UGT1A5: variants seen among roughly 807,000 people sequenced by gnomAD.
UGT1A5 encodes UDP glucuronosyltransferase family 1 member A5, also known as UDP-glucuronosyltransferase 1A5.
Under a neutral mutation model 40.3 loss-of-function variants are expected in UGT1A5, and 29 were observed. That is an observed-to-expected ratio of 0.72 (90% CI 0.54 to 0.98). The LOEUF (loss-of-function observed/expected upper bound fraction) is 0.98, where lower values mean the gene tolerates loss of function less well. Ranked by LOEUF, UGT1A5 falls within the 50% of genes least tolerant of loss-of-function variation. The pLI is 0.00. For missense variants in UGT1A5, 678 were observed against 677.9 expected, an observed-to-expected ratio of 1.00 and a Z score of 0.00; for synonymous variants, 257 against 262.5, an observed-to-expected ratio of 0.98 and a Z score of 0.20.
At chr2:233,716,619 T>C (rs1353920289) in intron 1 of UGT1A5, among the ~76,000 whole-genome samples, 1 of 152,234 alleles carries the variant, frequency 6.6e-6, no homozygotes, top group Non-Finnish European at 1.5e-5. Context: ...AGGTTTATTC[T>C]AGTGAAGTTT....
rs1005644336 is a variant in UGT1A5 at position 233,772,950 on chromosome 2, A to G, written c.*391A>G. On this transcript the variant is annotated 3_prime_UTR_variant, in exon 5 of 5. Coordinates refer to ENST00000373414, the MANE Select transcript of UGT1A5 (RefSeq NM_019078.2). Reference sequence around the variant, plus strand: ...TAATCTTATCTTTTGGCTTCTGCAGATGGTTGCAATTGATCCTTAACCAAT... The same window carrying G: ...TAATCTTATCTTTTGGCTTCTGCAGGTGGTTGCAATTGATCCTTAACCAAT... The G allele has an allele frequency of 1.5e-5, 5 of 323,142 alleles. No individual in the cohort carries two copies. Among genetic ancestry groups the G allele is most frequent in the Non-Finnish European group, 2.9e-5 (5 of 171,790 alleles). 20.0% of individuals were successfully genotyped at this position (323,142 alleles called of 1,614,324 possible). A position where few individuals can be genotyped will look rare whatever the true frequency, so the allele number is the denominator to read the frequency against.
chr2:233,748,218 T>C (rs1484955806), intron 1 of UGT1A5: 56 of 1,469,990 alleles, frequency 3.8e-5, no homozygotes, highest in Admixed American at 8.3e-5. Context: ...TTCAGTGAGA[T>C]AAACTGTTAA....
chr2:233,772,929 C>T lies in UGT1A5; in HGVS notation c.*370C>T, dbSNP rs1186146273. On this transcript the variant is annotated 3_prime_UTR_variant, in exon 5 of 5. Transcript: ENST00000373414. ...CCCTACTGCAAATGGCAGTTTTAAT[C>T]TTATCTTTTGGCTTCTGCAGATGGT... The T allele has an allele frequency of 5.6e-6, 2 of 355,154 alleles. No individual in the cohort carries two copies. Among genetic ancestry groups the T allele is most frequent in the Non-Finnish European group, 1.0e-5 (2 of 197,036 alleles). The allele number at this position is 355,154 out of a possible 1,614,324, so 22.0% of individuals were successfully genotyped here. A position where few individuals can be genotyped will look rare whatever the true frequency, so the allele number is the denominator to read the frequency against.
At chr2:233,754,291 C>A in intron 1 of UGT1A5, 1 of 232,626 alleles carries the variant, frequency 4.3e-6, no homozygotes. Flanking sequence ...ACATTCTGTC[C>A]TAGCACTAGG....
In UGT1A5 at chr2:233,772,930, T is replaced by A; in HGVS notation, c.*371T>A. On this transcript the variant is annotated 3_prime_UTR_variant, in exon 5 of 5. Coordinates refer to ENST00000373414, the MANE Select transcript of UGT1A5 (RefSeq NM_019078.2). ...CCTACTGCAAATGGCAGTTTTAATC[T>A]TATCTTTTGGCTTCTGCAGATGGTT... The A allele has an allele frequency of 2.9e-6, 1 of 350,402 alleles. No individual in the cohort carries two copies. The highest frequency in any genetic ancestry group is 3.0e-5 in the South Asian group (1 of 32,922). The allele number at this position is 350,402 out of a possible 1,614,324, so 21.7% of individuals were successfully genotyped here.
intron 1 of UGT1A5, among the ~76,000 whole-genome samples, chr2:233,723,158 A>G (rs1188263696): frequency 7.4e-6 from 1 of 135,668 alleles, no homozygotes; most frequent in Non-Finnish European, 1.5e-5. Flanking sequence ...CATTTGCTTT[A>G]GTTTCAGTGC....
chr2:233,749,548 G>A (rs1179692892), intron 1 of UGT1A5, among the ~76,000 whole-genome samples: 1 of 151,762 alleles, frequency 6.6e-6, no homozygotes, highest in Non-Finnish European at 1.5e-5. Flanking sequence ...TAAAGAACAG[G>A]CTAATGTATT....
intron 1 of UGT1A5, among the ~76,000 whole-genome samples, chr2:233,715,487 T>A (rs958657491): frequency 6.6e-6 from 1 of 152,178 alleles, no homozygotes; most frequent in African/African-American, 2.4e-5. Context: ...TGAAAATGAT[T>A]TGTGTGCAAG....
At position 233,747,601 on chromosome 2, in the gene UGT1A5, AGCTACT is replaced by A. The variant is rs1032585099; in HGVS notation, c.868-19430_868-19425del. 3.2e-6 allele frequency: 5 copies of A among 1,575,002 alleles called. No individual in the cohort carries two copies. In the African/African-American group the frequency reaches 6.8e-5, roughly 21 times the overall value. The stretch of plus-strand genomic sequence containing the variant: ...TTGGTCTTTCATAGGTCTTGTGTGG[AGCTACT>A]GCATAATGAGGCCCTGATCAGGCAC... On this transcript the variant is annotated intron_variant, in intron 1 of 4. Transcript: ENST00000373414.
intron 2 of UGT1A5, 45 bp from the exon 3 acceptor site, chr2:233,767,804 A>T: frequency 6.2e-7 from 1 of 1,614,124 alleles, no homozygotes; most frequent in Non-Finnish European, 8.5e-7. Flanking sequence ...TTTTCTAATC[A>T]TATTATGTTC....
intron 1 of UGT1A5, chr2:233,729,655 C>G (rs2077902514): frequency 6.2e-7 from 1 of 1,613,788 alleles, no homozygotes; most frequent in African/African-American, 1.3e-5. Flanking sequence ...GAGGAACATT[C>G]CATGTGATTT....
rs146825304 is a variant in UGT1A5, at chr2:233,749,948, G to C, written c.868-17086G>C. On this transcript the variant is annotated intron_variant, in intron 1 of 4. Transcript: ENST00000373414. ...AAAGCTCTTTCCTTTATGAATTACC[G>C]AGTCTTGGGTATGTCTTTATAGCAG... 4.8e-3 allele frequency among the ~76,000 whole-genome samples: 734 copies of C among 151,926 alleles called. 7 individuals carry two copies. The highest frequency in any genetic ancestry group is 4.2e-3 in the Non-Finnish European group (283 of 68,018).
rs993277218 is a variant in UGT1A5 at position 233,747,483 on chromosome 2, C to T, written c.868-19551C>T. 8 of 1,608,492 alleles carry T rather than the reference C, an allele frequency of 5.0e-6. No individual in the cohort carries two copies. The Admixed American group carries it at 5.0e-5, about 10-fold the overall frequency. Reference sequence around the variant, plus strand: ...TTCATGGACCCAGGATGAATTTGATCGCCTTGTGCTGGGCCACACTCAACT... The same window carrying T: ...TTCATGGACCCAGGATGAATTTGATTGCCTTGTGCTGGGCCACACTCAACT... On this transcript the variant is annotated intron_variant, in intron 1 of 4. Coordinates refer to ENST00000373414, the MANE Select transcript of UGT1A5 (RefSeq NM_019078.2).
At chr2:233,739,962 A>G (rs1691266437) in intron 1 of UGT1A5, among the ~76,000 whole-genome samples, 1 of 151,874 alleles carries the variant, frequency 6.6e-6, no homozygotes, top group Non-Finnish European at 1.5e-5. Flanking sequence ...AGCTGATTGA[A>G]TCATATCGGC....
In UGT1A5 at chr2:233,718,852, G is replaced by A. The variant is rs149314940; in HGVS notation, c.867+4994G>A. On this transcript the variant is annotated intron_variant, in intron 1 of 4. Coordinates refer to ENST00000373414, the MANE Select transcript of UGT1A5 (RefSeq NM_019078.2). ...AGAGGACTCCAGGTTCCCCTGCCGC[G>A]GCTGGCCACAGGACTGCTGCTCCTC... The A allele has an allele frequency of 5.0e-5, 80 of 1,613,718 alleles. No homozygotes were observed. Among genetic ancestry groups the A allele is most frequent in the Middle Eastern group, 1.7e-4 (1 of 5,766 alleles).
chr2:233,724,947 G>A (rs941284896), intron 1 of UGT1A5, among the ~76,000 whole-genome samples: 4 of 144,674 alleles, frequency 2.8e-5, no homozygotes, highest in East Asian at 4.2e-4. Flanking sequence ...CTGCAATCCC[G>A]GCACCTCGGG....
intron 1 of UGT1A5, chr2:233,729,074 T>C: frequency 1.2e-6 from 2 of 1,611,804 alleles, no homozygotes; most frequent in Non-Finnish European, 1.7e-6. Flanking sequence ...AGAAAGCAAA[T>C]GTAGCAGGCA....
intron 1 of UGT1A5, chr2:233,747,522 G>C: frequency 6.2e-7 from 1 of 1,606,796 alleles, no homozygotes; most frequent in South Asian, 1.1e-5. Context: ...CTTTGAAACA[G>C]AACATTTTCT....
In UGT1A5 at chr2:233,743,654, T is replaced by A. The variant is rs777818492; in HGVS notation, c.868-23380T>A. The A allele has an allele frequency of 2.2e-6, 3 of 1,367,166 alleles. No homozygotes were observed. In the East Asian group the frequency reaches 1.4e-4, roughly 62 times the overall value. 84.7% of individuals were successfully genotyped at this position (1,367,166 alleles called of 1,614,324 possible). A position where few individuals can be genotyped will look rare whatever the true frequency, so the allele number is the denominator to read the frequency against. ...TGGGTCGCGGAAGCTGAAGACGTAC[T>A]CGAAGGGGTCCTCGAAGGGCCTGCC... is the stretch of plus-strand genomic sequence containing the variant. On this transcript the variant is annotated intron_variant, in intron 1 of 4. Transcript: ENST00000373414.
Sources: allele counts gnomAD v4.1 joint callset (sites outside exome capture counted in the v4.1 genomes callset), GRCh38; gene constraint gnomAD v4.1.1; transcripts MANE v1.5; gene names NCBI Gene and HGNC (gene_info 2026-07-23, HGNC 2026-07-21).